Variants in LUZP2 observed in about 807,000 individuals in gnomAD.
The protein encoded by LUZP2 is leucine zipper protein 2.
Under a neutral mutation model 51.6 loss-of-function variants are expected in LUZP2, and 52 were observed. The observed-to-expected ratio is 1.01, with a 90% confidence interval of 0.81 to 1.27. LUZP2 has a LOEUF of 1.27. LUZP2 is among the 50% of genes most tolerant of loss of function. The probability of loss-of-function intolerance (pLI) is 0.00; values close to 1 mark genes in which losing one functional copy is unlikely to be tolerated. For missense variants in LUZP2, 436 were observed against 395.4 expected, an observed-to-expected ratio of 1.10 and a Z score of -0.87; for synonymous variants, 154 against 137.3, an observed-to-expected ratio of 1.12 and a Z score of -0.85.
chr11:24,530,762 C>CTTTTTTTTTTTTTTTTTTTTTTTTTT (rs367857815), intron 1 of LUZP2, among the ~76,000 whole-genome samples: 1 of 75,372 alleles, frequency 1.3e-5, no homozygotes, highest in Non-Finnish European at 2.7e-5. Flanking sequence ...CTTCTTCTTA[C>CTTTTTTTTTTTTTTTTTTTTTTTTTT]TTTTTTTTTT....
intron 10 of LUZP2, among the ~76,000 whole-genome samples, chr11:25,056,362 T>C (rs1201451410): frequency 6.6e-6 from 1 of 152,146 alleles, no homozygotes; most frequent in African/African-American, 2.4e-5. Flanking sequence ...AGACTGATCA[T>C]GTTAGCATCT....
At chr11:24,651,927 T>C (rs1310775972) in intron 1 of LUZP2, among the ~76,000 whole-genome samples, 1 of 152,106 alleles carries the variant, frequency 6.6e-6, no homozygotes, top group East Asian at 1.9e-4. Context: ...GTGCAAAGCC[T>C]TTGCAATTCC....
intron 9 of LUZP2, among the ~76,000 whole-genome samples, chr11:25,035,909 G>A (rs1388040359): frequency 1.3e-5 from 2 of 151,996 alleles, no homozygotes; most frequent in African/African-American, 4.8e-5. Flanking sequence ...GTTCATGAGG[G>A]ATATTGGCCT....
At chr11:25,075,200 A>G (rs1859265409) in intron 10 of LUZP2, among the ~76,000 whole-genome samples, 1 of 152,166 alleles carries the variant, frequency 6.6e-6, no homozygotes, top group South Asian at 2.1e-4. Flanking sequence ...AGATTCCTCT[A>G]TGTATATAAA....
At chr11:24,665,235 G>C (rs757620550) in intron 1 of LUZP2, among the ~76,000 whole-genome samples, 13 of 152,150 alleles carry the variant, frequency 8.5e-5, no homozygotes, top group Non-Finnish European at 1.9e-4. Context: ...CATGGAGCCT[G>C]TAAGCCCCTT....
intron 1 of LUZP2, among the ~76,000 whole-genome samples, chr11:24,635,201 A>G (rs1855042051): frequency 6.6e-6 from 1 of 152,092 alleles, no homozygotes; most frequent in African/African-American, 2.4e-5. Context: ...AAAAAATTAT[A>G]AAAGATAATG....
intron 5 of LUZP2, among the ~76,000 whole-genome samples, chr11:24,903,833 A>G (rs556738362): frequency 6.6e-6 from 1 of 152,278 alleles, no homozygotes; most frequent in East Asian, 1.9e-4. Context: ...AGGGACAAAC[A>G]TTTGCCTTTG....
chr11:24,898,641 A>G (rs1026910070), intron 5 of LUZP2, among the ~76,000 whole-genome samples: 2 of 149,338 alleles, frequency 1.3e-5, no homozygotes, highest in Non-Finnish European at 3.0e-5. Flanking sequence ...AAAAAAAAAA[A>G]CAAGAGTTTA....
intron 10 of LUZP2, among the ~76,000 whole-genome samples, chr11:25,072,851 A>T (rs1344333461): frequency 2.0e-5 from 3 of 152,116 alleles, no homozygotes; most frequent in Non-Finnish European, 4.4e-5. Context: ...TGTCATCTTG[A>T]AGCCTATATT....
intron 5 of LUZP2, among the ~76,000 whole-genome samples, chr11:24,872,010 T>C (rs1485483694): frequency 1.3e-5 from 2 of 152,106 alleles, no homozygotes. Flanking sequence ...TTATCTTCCT[T>C]TACTTATCTC....
intron 1 of LUZP2, among the ~76,000 whole-genome samples, chr11:24,572,651 G>A (rs1404197814): frequency 6.6e-6 from 1 of 152,018 alleles, no homozygotes; most frequent in African/African-American, 2.4e-5. Context: ...ACTGAGGGGT[G>A]AAGCCTGGAG....
chr11:24,899,678 C>A (rs1395413002), intron 5 of LUZP2, among the ~76,000 whole-genome samples: 1 of 151,946 alleles, frequency 6.6e-6, no homozygotes, highest in Non-Finnish European at 1.5e-5. Flanking sequence ...TTAGCCATGA[C>A]AAAATAAATT....
At chr11:24,514,052 TG>T (rs1850391223) in intron 1 of LUZP2, among the ~76,000 whole-genome samples, 1 of 152,160 alleles carries the variant, frequency 6.6e-6, no homozygotes, top group Non-Finnish European at 1.5e-5. Flanking sequence ...AGCAGACCTC[TG>T]GAAAATAAAA....
chr11:24,541,335 A>T (rs1379843555), intron 1 of LUZP2, among the ~76,000 whole-genome samples: 2 of 151,456 alleles, frequency 1.3e-5, no homozygotes, highest in African/African-American at 2.4e-5. Context: ...TAGATATCGT[A>T]TCATTGCTGG....
chr11:24,819,622 A>C (rs993077642), intron 5 of LUZP2, among the ~76,000 whole-genome samples: 10 of 152,094 alleles, frequency 6.6e-5, no homozygotes, highest in African/African-American at 2.4e-4. Flanking sequence ...TTCACGTTTT[A>C]TATTTTACAG....
At chr11:25,004,093 G>A (rs1390018286) in intron 9 of LUZP2, among the ~76,000 whole-genome samples, 1 of 152,092 alleles carries the variant, frequency 6.6e-6, no homozygotes, top group Admixed American at 6.5e-5. Context: ...CATACCCGGG[G>A]CTCAGTGAGG....
intron 1 of LUZP2, among the ~76,000 whole-genome samples, chr11:24,535,783 C>CT (rs1290946213): frequency 6.6e-6 from 1 of 151,714 alleles, no homozygotes; most frequent in Non-Finnish European, 1.5e-5. Context: ...GACCTCCCCA[C>CT]TGTGACTTAC....
chr11:24,654,691 A>G, intron 1 of LUZP2, among the ~76,000 whole-genome samples: 1 of 136,686 alleles, frequency 7.3e-6, no homozygotes, highest in Non-Finnish European at 1.5e-5. Context: ...GGCCTGGCTA[A>G]TTTTTGTATT....
intron 1 of LUZP2, among the ~76,000 whole-genome samples, chr11:24,696,892 G>A (rs1359235050): frequency 1.3e-5 from 2 of 152,014 alleles, no homozygotes; most frequent in Non-Finnish European, 2.9e-5. Flanking sequence ...AAATACATGA[G>A]AGAACTAGCT....
Sources: gnomAD v4.1 joint callset for allele counts (sites outside exome capture counted in the v4.1 genomes callset) on GRCh38, gnomAD v4.1.1 for gene constraint, MANE v1.5 for transcripts, NCBI Gene and HGNC (gene_info 2026-07-23, HGNC 2026-07-21) for gene names.